The following PHYH variants were observed in gnomAD, a reference collection of about 807,000 sequenced individuals.
PHYH encodes phytanoyl-CoA dioxygenase, peroxisomal.
Under a neutral mutation model 38.5 loss-of-function variants are expected in PHYH, and 32 were observed. The observed-to-expected ratio is 0.83, with a 90% CI of 0.63 to 1.12. The LOEUF (loss-of-function observed/expected upper bound fraction) is 1.12. Ranked by LOEUF, PHYH falls within the 50% of genes most tolerant of loss-of-function variation. The probability of loss-of-function intolerance (pLI) is 0.00; values close to 1 mark genes in which losing one functional copy is unlikely to be tolerated. For synonymous variants in PHYH, 166 were observed against 157.9 expected (o/e 1.05, Z -0.38); for missense variants, 426 against 434.8 (o/e 0.98, Z 0.18).
Position 13,283,946 on chromosome 10 carries a change from C to T in PHYH, c.679-107G>A, listed in dbSNP as rs648173. 0.55 allele frequency: 536,710 copies of T among 968,964 alleles called. 152,152 individuals are homozygous for T. The highest frequency in any genetic ancestry group is 0.8 in the African/African-American group (49,819 of 62,578). The allele number at this position is 968,964 out of a possible 1,614,324, so 60.0% of individuals were successfully genotyped here. On this transcript the variant is annotated intron_variant, in intron 6 of 8. Transcript: ENST00000263038. ...AACATCAGGGAAAGAAAGCATTTCTCTCTCCCAAGAGAAATAAATGTCTAA... is the reference window on the plus strand; with the variant it reads ...AACATCAGGGAAAGAAAGCATTTCTTTCTCCCAAGAGAAATAAATGTCTAA...
chr10:13,283,877 G>T (rs754467382), intron 6 of PHYH, 38 bp from the exon 7 acceptor site: 1 of 1,567,986 alleles, frequency 6.4e-7, no homozygotes, highest in Admixed American at 1.7e-5. Context: ...ATTTGAGGGA[G>T]TACCATAATT....
At chr10:13,299,643 G>A in intron 1 of PHYH, 1 of 1,158,940 alleles carries the variant, frequency 8.6e-7, no homozygotes, top group South Asian at 2.6e-5. Flanking sequence ...TGGGTCTCTG[G>A]ACAGCTGCCG....
chr10:13,294,342 C>G, intron 4 of PHYH, 86 bp downstream of exon 4: 1 of 1,254,602 alleles, frequency 8.0e-7, no homozygotes, highest in Admixed American at 1.7e-5. Context: ...AGGAGTGAGC[C>G]ACTGCGCCCG....
At chr10:13,292,138 A>G (rs1025207362) in intron 4 of PHYH, among the ~76,000 whole-genome samples, 12 of 152,284 alleles carry the variant, frequency 7.9e-5, no homozygotes, top group African/African-American at 2.9e-4. Context: ...CTAGCTGGGA[A>G]TGAAACCATT....
rs757696181 is a variant in PHYH, at chr10:13,295,492, G to C, written c.245+4C>G. 4 of 1,343,138 alleles carry C rather than the reference G, an allele frequency of 3.0e-6. No individual in the cohort carries two copies. The highest frequency in any genetic ancestry group is 1.8e-4 in the Middle Eastern group (1 of 5,538). The allele number at this position is 1,343,138 out of a possible 1,614,324, so 83.2% of individuals were successfully genotyped here. ...TTGTAAAATAACAAATAGTGTTACT[G>C]TACCGAAAGCGTTGAATATCGGCAT... is the stretch of plus-strand genomic sequence containing the variant. On this transcript the variant is annotated splice_donor_region_variant and intron_variant, in intron 3 of 8. Transcript: ENST00000263038.
At position 13,295,497 on chromosome 10, in the gene PHYH, G is replaced by A. The variant is rs145404396; in HGVS notation, c.244C>T (p.Arg82Trp). 34 of 1,429,418 alleles carry A rather than the reference G, an allele frequency of 2.4e-5. No homozygotes were observed. Among genetic ancestry groups the A allele is most frequent in the South Asian group, 4.6e-5 (4 of 87,216 alleles). 88.5% of individuals were successfully genotyped at this position (1,429,418 alleles called of 1,614,324 possible). A position where few individuals can be genotyped will look rare whatever the true frequency, so the allele number is the denominator to read the frequency against. ...LVPDADIQRF[R>W]NEFEKICRKE... ...AAATAACAAATAGTGTTACTGTACC[G>A]AAAGCGTTGAATATCGGCATCAGGT... Residue 82 changes from arginine (R) to tryptophan (W), a missense_variant and splice_region_variant, in exon 3 of 9, where the codon CGG becomes TGG. Physicochemically the swap from Arg to Trp is moderately radical, Grantham distance 101. Transcript: ENST00000263038.
At position 13,283,655 on chromosome 10, in the gene PHYH, A is replaced by G. The variant is rs1835471196; in HGVS notation, c.828+35T>C. 2.5e-6 allele frequency: 4 copies of G among 1,608,560 alleles called. No individual in the cohort carries two copies. The Admixed American group carries it at 6.7e-5, about 27-fold the overall frequency. On this transcript the variant is annotated intron_variant, in intron 7 of 8. Transcript: ENST00000263038. ...AATACAATTTTTGTTTCTAACCCAC[A>G]CTTCTGCAGCAGGTGCAGCAATGTG...
At chr10:13,291,104 C>CAAAAAAAAAAAAAAAAAAAAAAAA (rs367712215) in intron 5 of PHYH, among the ~76,000 whole-genome samples, 1 of 76,368 alleles carries the variant, frequency 1.3e-5, no homozygotes. Context: ...AACTCCATCT[C>CAAAAAAAAAAAAAAAAAAAAAAAA]AAAAAAAAAA....
chr10:13,298,782 A>ACTGCT (rs1554785661), intron 1 of PHYH, among the ~76,000 whole-genome samples: 139 of 126,986 alleles, frequency 1.1e-3, no homozygotes, highest in African/African-American at 2.0e-3. Context: ...TACTACTACT[A>ACTGCT]ATAATAATAA....
intron 5 of PHYH, among the ~76,000 whole-genome samples, chr10:13,288,924 A>G (rs1271775837): frequency 3.5e-5 from 1 of 28,582 alleles, no homozygotes; most frequent in East Asian, 3.0e-3. Context: ...CCCCCAACCA[A>G]AAAAAAAAAA....
intron 2 of PHYH, among the ~76,000 whole-genome samples, chr10:13,297,816 G>C (rs956678679): frequency 9.4e-5 from 5 of 53,018 alleles, no homozygotes; most frequent in African/African-American, 3.9e-4. Flanking sequence ...AGATTATAAG[G>C]CTGGTGTGAT....
In PHYH at chr10:13,278,327, C is replaced by T. The variant is rs200245065; in HGVS notation, c.991G>A (p.Val331Met). The change falls in exon 9 of 9, where the codon GTG (valine) becomes ATG (methionine). Residue 331 changes from valine to methionine, a missense_variant. Val to Met is a conservative substitution (Grantham distance 21, BLOSUM62 1). Coordinates refer to ENST00000263038, the MANE Select transcript of PHYH (RefSeq NM_006214.4). ...KDIWMFRARL[V>M]KGERTNL ...CAAAGATTGGTTCTTTCTCCTTTCA[C>T]AAGTCGAGCTCGAAACATCCAAATA... 5 of 1,613,002 alleles carry T rather than the reference C, an allele frequency of 3.1e-6. No homozygotes were observed. The highest frequency in any genetic ancestry group is 2.5e-6 in the Non-Finnish European group (3 of 1,179,034).
intron 6 of PHYH, among the ~76,000 whole-genome samples, chr10:13,286,458 T>C (rs1835551811): frequency 6.6e-6 from 1 of 152,000 alleles, no homozygotes; most frequent in South Asian, 2.1e-4. Context: ...AGCCCAGCAC[T>C]TTGGGAGGCC....
chr10:13,284,246 C>T (rs533673075), intron 6 of PHYH, among the ~76,000 whole-genome samples: 16 of 152,038 alleles, frequency 1.1e-4, no homozygotes, highest in African/African-American at 2.9e-4. Context: ...TCGATTGAGC[C>T]GGGAGGGGGA....
intron 4 of PHYH, among the ~76,000 whole-genome samples, chr10:13,293,605 C>G (rs915750838): frequency 6.6e-6 from 1 of 151,862 alleles, no homozygotes; most frequent in African/African-American, 2.4e-5. Context: ...CGGCAGTTAG[C>G]TCACTTCTCT....
chr10:13,279,052 G>A (rs1488504894), intron 8 of PHYH, among the ~76,000 whole-genome samples: 2 of 151,734 alleles, frequency 1.3e-5, no homozygotes, highest in African/African-American at 4.8e-5. Flanking sequence ...AGGCTGGAGT[G>A]CAATGGTACC....
chr10:13,298,569 C>T (rs778743334), intron 1 of PHYH, among the ~76,000 whole-genome samples: 7 of 151,916 alleles, frequency 4.6e-5, no homozygotes, highest in Non-Finnish European at 8.8e-5. Context: ...GGCGTGGTGG[C>T]GTTCATTTGT....
At chr10:13,299,488 G>C (rs975726197) in intron 1 of PHYH, 265 of 1,003,442 alleles carry the variant, frequency 2.6e-4, no homozygotes, top group Non-Finnish European at 3.0e-4. Context: ...CAGGGAGGCC[G>C]CCCTGGGCAG....
chr10:13,298,055 T>G, intron 2 of PHYH, 132 bp downstream of exon 2: 1 of 655,582 alleles, frequency 1.5e-6, no homozygotes, highest in African/African-American at 1.8e-5. Context: ...CTAATTAGAA[T>G]AAGTCCTGGA....
Sources: gnomAD v4.1 joint callset for allele counts (sites outside exome capture counted in the v4.1 genomes callset) on GRCh38, gnomAD v4.1.1 for gene constraint, MANE v1.5 for transcripts, NCBI Gene and HGNC (gene_info 2026-07-23, HGNC 2026-07-21) for gene names.